SDHAF4: variants seen among roughly 807,000 people sequenced by gnomAD.
SDHAF4 encodes the protein succinate dehydrogenase complex assembly factor 4, also known as succinate dehydrogenase assembly factor 4, mitochondrial.
A neutral mutation model predicts 14.3 loss-of-function variants in SDHAF4; 14 were observed. The ratio of observed to expected loss-of-function variants is 0.98; its 90% CI spans 0.65 to 1.53. SDHAF4 has a LOEUF of 1.53. Among genes scored for constraint, SDHAF4 ranks in the 40% most tolerant of loss-of-function variants. SDHAF4 has a pLI of 0.00. For synonymous variants in SDHAF4, 63 were observed against 47.3 expected (o/e 1.33, Z -1.36); for missense variants, 141 against 129.3 (o/e 1.09, Z -0.44).
chr6:70,579,146 G>A (rs1440626588), intron 1 of SDHAF4, among the ~76,000 whole-genome samples: 1 of 152,144 alleles, frequency 6.6e-6, no homozygotes, highest in African/African-American at 2.4e-5. Flanking sequence ...CATTGCTTCA[G>A]ATAGGAATTA....
intron 1 of SDHAF4, among the ~76,000 whole-genome samples, chr6:70,572,413 G>A (rs181428129): frequency 6.6e-6 from 1 of 152,182 alleles, no homozygotes; most frequent in Admixed American, 6.5e-5. Context: ...CTTGAAAATT[G>A]CTGAAAGTAG....
At chr6:70,570,832 C>G (rs945755298) in intron 1 of SDHAF4, among the ~76,000 whole-genome samples, 2 of 151,896 alleles carry the variant, frequency 1.3e-5, no homozygotes, top group African/African-American at 4.8e-5. Context: ...ATAAACGAAT[C>G]CTCAGGGAAG....
intron 1 of SDHAF4, among the ~76,000 whole-genome samples, chr6:70,577,496 CTT>C (rs1277664286): frequency 6.6e-6 from 1 of 152,114 alleles, no homozygotes; most frequent in African/African-American, 2.4e-5. Context: ...AAGTTCAACT[CTT>C]TTTAGAAACT....
downstream of SDHAF4, among the ~76,000 whole-genome samples, chr6:70,593,696 G>GTT (rs1419126752): frequency 6.6e-6 from 1 of 151,940 alleles, no homozygotes; most frequent in Admixed American, 6.6e-5. Context: ...TTTTTTTTGT[G>GTT]TGTGTGTGTG....
the SDHAF4 span, among the ~76,000 whole-genome samples, chr6:70,595,228 C>T: frequency 6.6e-6 from 1 of 152,134 alleles, no homozygotes; most frequent in African/African-American, 2.4e-5. Context: ...CTTCAGCTCC[C>T]AGGCTACTCT....
At chr6:70,575,751 C>G (rs1457529261) in intron 1 of SDHAF4, among the ~76,000 whole-genome samples, 1 of 151,404 alleles carries the variant, frequency 6.6e-6, no homozygotes, top group African/African-American at 2.4e-5. Flanking sequence ...CATTCTTTTG[C>G]TTTTATTATT....
intron 2 of SDHAF4, among the ~76,000 whole-genome samples, chr6:70,585,445 C>T (rs1200657019): frequency 6.6e-6 from 1 of 152,172 alleles, no homozygotes; most frequent in Non-Finnish European, 1.5e-5. Context: ...CAGCAAGAAG[C>T]GACCATCTGT....
intron 2 of SDHAF4, among the ~76,000 whole-genome samples, chr6:70,581,213 A>G (rs1318173332): frequency 2.6e-5 from 4 of 152,146 alleles, no homozygotes; most frequent in African/African-American, 9.7e-5. Context: ...TACAGGCGTG[A>G]GCCACTGTGT....
chr6:70,597,299 ATTTT>A, the SDHAF4 span, among the ~76,000 whole-genome samples: 21 of 108,076 alleles, frequency 1.9e-4, no homozygotes, highest in Non-Finnish European at 2.7e-4. Context: ...CGCCTGGCTA[ATTTT>A]TTTTTTTTTT....
downstream of SDHAF4, among the ~76,000 whole-genome samples, chr6:70,592,381 A>G (rs945295478): frequency 1.3e-5 from 2 of 152,224 alleles, no homozygotes; most frequent in African/African-American, 2.4e-5. Flanking sequence ...AGAACTTCCT[A>G]GAGATTACTT....
intron 1 of SDHAF4, among the ~76,000 whole-genome samples, chr6:70,575,771 AG>A (rs1296651362): frequency 1.3e-5 from 2 of 151,906 alleles, no homozygotes; most frequent in African/African-American, 4.8e-5. Flanking sequence ...TTCTTCTTTT[AG>A]AAGGTTTTCT....
chr6:70,567,155 G>A lies in SDHAF4; in HGVS notation c.64+151G>A, dbSNP rs1017344764. ...GCTTCTCCCGCCCAGCCGCCCACCC[G>A]GTGGCCTGGGCAGGTTCCTGCAGCG... On this transcript the variant is annotated intron_variant, in intron 1 of 2. Transcript: ENST00000370474. 9.0e-6 allele frequency: 7 copies of A among 778,792 alleles called. No homozygotes were observed. In the African/African-American group the frequency reaches 1.1e-4, roughly 12 times the overall value. 48.2% of individuals were successfully genotyped at this position (778,792 alleles called of 1,614,324 possible).
At chr6:70,593,283 A>G (rs1054401864), downstream of SDHAF4, among the ~76,000 whole-genome samples, 13 of 152,358 alleles carry the variant, frequency 8.5e-5, no homozygotes, top group Middle Eastern at 6.8e-3. Flanking sequence ...GAGGCATAGC[A>G]GCTTCCACCT....
chr6:70,567,231 G>GC (rs1190844462), intron 1 of SDHAF4, among the ~76,000 whole-genome samples: 1 of 152,178 alleles, frequency 6.6e-6, no homozygotes, highest in African/African-American at 2.4e-5. Context: ...GGCCCTTTCA[G>GC]CCCCCGGGAC....
Position 70,579,526 on chromosome 6 carries a change from T to C in SDHAF4, c.177T>C (p.Asp59=). Residue 59 remains aspartate (D), a synonymous_variant, in exon 2 of 3, where the codon GAT becomes GAC. Coordinates refer to ENST00000370474, the MANE Select transcript of SDHAF4 (RefSeq NM_145267.3). The part of the protein sequence containing the change: ...KKPKLPEGRF[D]APEDSHLEKE... ...CGAAGTTACCAGAAGGTCGTTTTGATGCACCAGAGGATTCCCATTTAGAGA... is the reference window on the plus strand; with the variant it reads ...CGAAGTTACCAGAAGGTCGTTTTGACGCACCAGAGGATTCCCATTTAGAGA... 1.2e-6 allele frequency: 2 copies of C among 1,611,146 alleles called. No homozygotes were observed. Among genetic ancestry groups the C allele is most frequent in the Non-Finnish European group, 8.5e-7 (1 of 1,178,404 alleles).
At chr6:70,567,044 C>A (rs769459761) in intron 1 of SDHAF4, 40 bp downstream of exon 1, 3 of 1,538,524 alleles carry the variant, frequency 1.9e-6, no homozygotes, top group Non-Finnish European at 2.6e-6. Flanking sequence ...CGGGAGGGGT[C>A]GTGAAGGCCC....
chr6:70,583,384 G>T (rs911150660), intron 2 of SDHAF4, among the ~76,000 whole-genome samples: 5 of 152,106 alleles, frequency 3.3e-5, no homozygotes, highest in African/African-American at 9.7e-5. Flanking sequence ...AAGTGCTGAG[G>T]TTACAGGTGT....
At chr6:70,588,143 A>G (rs1268629388) in intron 2 of SDHAF4, among the ~76,000 whole-genome samples, 1 of 152,220 alleles carries the variant, frequency 6.6e-6, no homozygotes, top group Non-Finnish European at 1.5e-5. Flanking sequence ...CAAACTCAGG[A>G]AAAAGAATCA....
chr6:70,580,095 ATGTGTG>A (rs1198871063), intron 2 of SDHAF4, among the ~76,000 whole-genome samples: 1 of 151,408 alleles, frequency 6.6e-6, no homozygotes, highest in East Asian at 1.9e-4. Context: ...TATTATATGT[ATGTGTG>A]TGTGTGTGTA....
Sources: gnomAD v4.1 joint callset for allele counts (sites outside exome capture counted in the v4.1 genomes callset) on GRCh38, gnomAD v4.1.1 for gene constraint, MANE v1.5 for transcripts, NCBI Gene and HGNC (gene_info 2026-07-23, HGNC 2026-07-21) for gene names.